Variants in ELFN1 observed in about 807,000 individuals in gnomAD.
ELFN1 encodes the protein extracellular leucine rich repeat and fibronectin type III domain containing 1.
Under a neutral mutation model 7.6 loss-of-function variants are expected in ELFN1, and 6 were observed. The ratio of observed to expected loss-of-function variants is 0.79; its 90% CI spans 0.43 to 1.56. The LOEUF (loss-of-function observed/expected upper bound fraction) is 1.56. Ranked by LOEUF, ELFN1 falls within the 40% of genes most tolerant of loss-of-function variation. The pLI is 0.01. For missense variants in ELFN1, 1,169 were observed against 1,232.2 expected (o/e 0.95, Z 0.77); for synonymous variants, 657 against 588.1 (o/e 1.12, Z -1.70).
Position 1,672,061 on chromosome 7 carries a change from C to G in ELFN1, c.-549+1707C>G, listed in dbSNP as rs921516380. 2.0e-5 allele frequency among the ~76,000 whole-genome samples: 3 copies of G among 152,318 alleles called. No individual in the cohort carries two copies. In the East Asian group the frequency reaches 5.8e-4, roughly 29 times the overall value. ...GCCAGCTGTGCAGCCCCCTCCTCCTCGGCCGCAGCAGGACTGCTGTGTGCG... is the reference window on the plus strand; with the variant it reads ...GCCAGCTGTGCAGCCCCCTCCTCCTGGGCCGCAGCAGGACTGCTGTGTGCG... On this transcript the variant is annotated intron_variant, in intron 1 of 3. Transcript: ENST00000424383.
In ELFN1 at chr7:1,746,495, C is replaced by A. The variant is rs749941799; in HGVS notation, c.1899C>A (p.Ala633=). 4.0e-6 allele frequency: 6 copies of A among 1,494,076 alleles called. No individual in the cohort carries two copies. In the East Asian group the frequency reaches 1.6e-4, roughly 39 times the overall value. 92.6% of individuals were successfully genotyped at this position (1,494,076 alleles called of 1,614,324 possible). A position where few individuals can be genotyped will look rare whatever the true frequency, so the allele number is the denominator to read the frequency against. The change falls in exon 4 of 4, where the codon GCC becomes GCA. Residue 633 remains alanine, a synonymous_variant. Coordinates refer to ENST00000424383, the MANE Select transcript of ELFN1 (RefSeq NM_001128636.4). The part of the protein sequence containing the change: ...SLQRHHSVEA[A]GPPRASTSSS... ...AGCGGCACCACAGCGTGGAGGCCGCCGGGCCCCCTCGTGCCAGCACCTCGT... is the reference window on the plus strand; with the variant it reads ...AGCGGCACCACAGCGTGGAGGCCGCAGGGCCCCCTCGTGCCAGCACCTCGT...
chr7:1,744,823 A>G lies in ELFN1; in HGVS notation c.227A>G (p.Gln76Arg). Reference protein sequence around the residue: ...RLNENRIRSVQYASLSRFGNL... With the variant: ...RLNENRIRSVRYASLSRFGNL... Reference sequence around the variant, plus strand: ...AACGAGAACCGTATCCGCAGCGTGCAGTACGCCTCGCTCAGCCGCTTTGGC... The same window carrying G: ...AACGAGAACCGTATCCGCAGCGTGCGGTACGCCTCGCTCAGCCGCTTTGGC... The change falls in exon 4 of 4, where the codon CAG (glutamine) becomes CGG (arginine). Residue 76 changes from glutamine (Q) to arginine (R), a missense_variant. Gln to Arg is a conservative substitution (Grantham distance 43). Transcript: ENST00000424383. The G allele has an allele frequency of 1.3e-6, 2 of 1,569,196 alleles. No homozygotes were observed. The highest frequency in any genetic ancestry group is 1.7e-6 in the Non-Finnish European group (2 of 1,156,264).
chr7:1,670,282 C>T lies in ELFN1; in HGVS notation c.-621C>T, dbSNP rs918603455. Among the ~76,000 whole-genome samples the T allele has an allele frequency of 2.0e-5, 3 of 151,740 alleles. No individual in the cohort carries two copies. The highest frequency in any genetic ancestry group is 7.3e-5 in the African/African-American group (3 of 41,344). ...CGAAGCTGGGGAGGAATTTCAATCC[C>T]GGGAGCGAAGTTAGAGCTTGAAGGA... On this transcript the variant is annotated 5_prime_UTR_variant, in exon 1 of 4. Transcript: ENST00000424383. The surrounding 1 kb of genome is among the most constrained non-coding windows in gnomAD (Gnocchi z 6.4).
chr7:1,677,423 C>G (rs1267193081), intron 1 of ELFN1, among the ~76,000 whole-genome samples: 2 of 152,318 alleles, frequency 1.3e-5, no homozygotes, highest in East Asian at 3.9e-4. Context: ...GCTCTGGGTG[C>G]AGATGGGTGT....
intron 3 of ELFN1, among the ~76,000 whole-genome samples, chr7:1,729,224 C>T (rs1780272996): frequency 6.6e-6 from 1 of 152,166 alleles, no homozygotes; most frequent in East Asian, 1.9e-4. Flanking sequence ...TTGGAGGAGG[C>T]CTGGGGCTCC....
At chr7:1,680,701 A>G (rs755975703) in intron 1 of ELFN1, among the ~76,000 whole-genome samples, 1 of 149,442 alleles carries the variant, frequency 6.7e-6, no homozygotes, top group Admixed American at 6.6e-5. Flanking sequence ...CCCCACCCCC[A>G]GGCACTGATC....
chr7:1,743,116 C>A (rs1430473493), intron 3 of ELFN1, among the ~76,000 whole-genome samples: 1 of 152,154 alleles, frequency 6.6e-6, no homozygotes, highest in Non-Finnish European at 1.5e-5. Flanking sequence ...AGCAGGAGCC[C>A]AGCGGGATGC....
intron 2 of ELFN1, among the ~76,000 whole-genome samples, chr7:1,696,218 GAGAA>G (rs1333556496): frequency 5.9e-5 from 9 of 151,502 alleles, no homozygotes; most frequent in Admixed American, 2.6e-4. Context: ...GAGAGAGAGG[GAGAA>G]AGAAAGAGAC....
At chr7:1,713,132 G>A (rs1449175690) in intron 3 of ELFN1, among the ~76,000 whole-genome samples, 1 of 152,196 alleles carries the variant, frequency 6.6e-6, no homozygotes, top group Non-Finnish European at 1.5e-5. Flanking sequence ...GATCACCCCA[G>A]CCCCATAGCC....
intron 3 of ELFN1, among the ~76,000 whole-genome samples, chr7:1,723,118 C>T (rs1780074081): frequency 6.6e-6 from 1 of 152,190 alleles, no homozygotes; most frequent in Non-Finnish European, 1.5e-5. Flanking sequence ...CACTTGAACC[C>T]AGGAGTTGGA....
At chr7:1,688,031 A>ATTTTTTT in intron 1 of ELFN1, 27 bp from the exon 2 acceptor site, 1 of 130,584 alleles carries the variant, frequency 7.7e-6, no homozygotes, top group Non-Finnish European at 1.6e-5. Context: ...TGCCTGGCTA[A>ATTTTTTT]TTTTTTTTTT....
intron 1 of ELFN1, among the ~76,000 whole-genome samples, chr7:1,679,461 C>G (rs1778935395): frequency 6.6e-6 from 1 of 152,188 alleles, no homozygotes; most frequent in South Asian, 2.1e-4. Flanking sequence ...GGGGCCTGCT[C>G]TGGGGTCCCC....
In ELFN1 at chr7:1,739,776, G is replaced by T. The variant is rs1780556628; in HGVS notation, c.-293-4528G>T. Among the ~76,000 whole-genome samples, 1 of 152,214 alleles carries T rather than the reference G, an allele frequency of 6.6e-6. No homozygotes were observed. The highest frequency in any genetic ancestry group is 1.5e-5 in the Non-Finnish European group (1 of 68,032). On this transcript the variant is annotated intron_variant, in intron 3 of 3. Coordinates refer to ENST00000424383, the MANE Select transcript of ELFN1 (RefSeq NM_001128636.4). This position sits in a 1 kb window ranked among gnomAD's most constrained non-coding sequence, Gnocchi z 4.6. ...AAAAATGGGCCCTGGCAGGGCAGAG[G>T]TCACCGGTGGCCTTGGTGAGAGCGG... is the stretch of plus-strand genomic sequence containing the variant.
At chr7:1,721,717 G>A (rs1780027745) in intron 3 of ELFN1, among the ~76,000 whole-genome samples, 1 of 152,198 alleles carries the variant, frequency 6.6e-6, no homozygotes, top group South Asian at 2.1e-4. Context: ...TGTTCTGAGG[G>A]AGGGACTGCA....
intron 3 of ELFN1, among the ~76,000 whole-genome samples, chr7:1,741,446 C>T (rs963998396): frequency 6.6e-6 from 1 of 152,210 alleles, no homozygotes; most frequent in Non-Finnish European, 1.5e-5. Context: ...GACGGCCTGC[C>T]TCCCTCATCA....
At chr7:1,677,874 C>T (rs1302118034) in intron 1 of ELFN1, among the ~76,000 whole-genome samples, 2 of 152,016 alleles carry the variant, frequency 1.3e-5, no homozygotes, top group African/African-American at 2.4e-5. Context: ...TGGGAGCGGC[C>T]GGCTCCCCTG....
intron 2 of ELFN1, among the ~76,000 whole-genome samples, chr7:1,700,183 A>G (rs1282078613): frequency 3.9e-5 from 6 of 152,162 alleles, no homozygotes; most frequent in African/African-American, 9.6e-5. Flanking sequence ...GTGGAGGTGT[A>G]GACTGTGAGC....
rs1779599917 is a variant in ELFN1 at position 1,709,212 on chromosome 7, C to G, written c.-334C>G. ...CAGGGAGGAATCCTCCAGCCTATTC[C>G]TCGCTGGTGCATCAGGTCGTTGGCG... On this transcript the variant is annotated 5_prime_UTR_variant, in exon 3 of 4. Coordinates refer to ENST00000424383, the MANE Select transcript of ELFN1 (RefSeq NM_001128636.4). 2 of 152,390 alleles carry G rather than the reference C, an allele frequency of 1.3e-5. No homozygotes were observed. Among genetic ancestry groups the G allele is most frequent in the South Asian group, 2.1e-4 (1 of 4,832 alleles). The allele number at this position is 152,390 out of a possible 1,614,324, so 9.4% of individuals were successfully genotyped here.
rs55658122 is a variant in ELFN1 at position 1,711,575 on chromosome 7, T to TGAGAGAGA, written c.-294+2368_-294+2375dup. Among the ~76,000 whole-genome samples, 148 of 87,562 alleles carry TGAGAGAGA rather than the reference T, an allele frequency of 1.7e-3. 4 individuals are homozygous for TGAGAGAGA. Among genetic ancestry groups the TGAGAGAGA allele is most frequent in the East Asian group, 6.2e-3 (17 of 2,726 alleles). The allele number at this position is 87,562 out of a possible 152,430, so 57.4% of individuals were successfully genotyped here. A position where few individuals can be genotyped will look rare whatever the true frequency, so the allele number is the denominator to read the frequency against. ...AAACCTTGAAGAGAGAGCGAGAGAG[T>TGAGAGAGA]GAGAGAGAGAGAGAGAGAGAGAGAG... On this transcript the variant is annotated intron_variant, in intron 3 of 3. Coordinates refer to ENST00000424383, the MANE Select transcript of ELFN1 (RefSeq NM_001128636.4).
Sources: gnomAD v4.1 joint callset for allele counts (sites outside exome capture counted in the v4.1 genomes callset) on GRCh38, gnomAD v4.1.1 for gene constraint, Gnocchi (gnomAD v3.1) non-coding constraint, MANE v1.5 for transcripts, NCBI Gene and HGNC (gene_info 2026-07-23, HGNC 2026-07-21) for gene names.